Variants in SEMA3E observed in about 807,000 individuals in gnomAD.
SEMA3E encodes semaphorin-3E.
In SEMA3E, 49 loss-of-function variants were observed where a neutral mutation model predicts 93.6. That is an observed-to-expected ratio of 0.52 (90% CI 0.42 to 0.66). The LOEUF (loss-of-function observed/expected upper bound fraction) is 0.66. Among genes scored for constraint, SEMA3E ranks in the 30% least tolerant of loss-of-function variants. SEMA3E has a pLI of 0.00. For synonymous variants in SEMA3E, 363 were observed against 330.7 expected, an observed-to-expected ratio of 1.10 and a Z score of -1.06; for missense variants, 906 against 964.8, an observed-to-expected ratio of 0.94 and a Z score of 0.81.
chr7:83,648,309 G>T, intron 1 of SEMA3E, 119 bp downstream of exon 1: 1 of 714,976 alleles, frequency 1.4e-6, no homozygotes, highest in Non-Finnish European at 2.4e-6. Flanking sequence ...AATTTTTCAG[G>T]TGCATTTTAA....
intron 1 of SEMA3E, among the ~76,000 whole-genome samples, chr7:83,563,660 G>A (rs1180364313): frequency 6.6e-6 from 1 of 152,172 alleles, no homozygotes; most frequent in Non-Finnish European, 1.5e-5. Flanking sequence ...ATCCAAATAT[G>A]TTAGTCTGCC....
At chr7:83,452,498 T>G (rs1285538059) in intron 4 of SEMA3E, among the ~76,000 whole-genome samples, 2 of 152,162 alleles carry the variant, frequency 1.3e-5, no homozygotes, top group Non-Finnish European at 2.9e-5. Flanking sequence ...GGCCTTCTCT[T>G]TGCTCACAGG....
Position 83,367,836 on chromosome 7 carries a change from C to T in SEMA3E, c.2078G>A (p.Arg693Lys). The T allele has an allele frequency of 1.2e-6, 2 of 1,613,696 alleles. No homozygotes were observed. The highest frequency in any genetic ancestry group is 8.5e-7 in the Non-Finnish European group (1 of 1,179,676). ...NKDDEEDRHHRMPCPAQSSIS... is the reference protein window; with the variant it reads ...NKDDEEDRHHKMPCPAQSSIS... ...GCTACTCTGAGCAGGACAAGGCATC[C>T]TGTGATGCCTGTCCTCCTCATCGTC... Residue 693 changes from arginine to lysine, a missense_variant, in exon 17 of 17, where the codon AGG becomes AAG. Physicochemically the swap from Arg to Lys is conservative, Grantham distance 26 (BLOSUM62 2). Coordinates refer to ENST00000643230, the MANE Select transcript of SEMA3E (RefSeq NM_012431.3).
chr7:83,539,855 CTGTGTGTGTGTGTGTG>C (rs59200828), intron 1 of SEMA3E, among the ~76,000 whole-genome samples: 1 of 122,696 alleles, frequency 8.2e-6, no homozygotes. Context: ...TTTGTTGTTT[CTGTGTGTGTGTGTGTG>C]TGTGTGTGTG....
intron 4 of SEMA3E, among the ~76,000 whole-genome samples, chr7:83,446,777 T>C (rs1789239879): frequency 6.6e-6 from 1 of 152,192 alleles, no homozygotes; most frequent in Non-Finnish European, 1.5e-5. Context: ...TACTGTATAA[T>C]AGCATTAAGA....
intron 16 of SEMA3E, among the ~76,000 whole-genome samples, chr7:83,374,206 C>CAAAAAAAAAAAA (rs71074647): frequency 2.1e-5 from 2 of 93,304 alleles, no homozygotes; most frequent in African/African-American, 4.4e-5. Context: ...AACTGCGTCT[C>CAAAAAAAAAAAA]AAAAAAAAAA....
intron 1 of SEMA3E, among the ~76,000 whole-genome samples, chr7:83,608,125 A>G (rs536288821): frequency 6.6e-6 from 1 of 152,204 alleles, no homozygotes; most frequent in African/African-American, 2.4e-5. Context: ...AGGCAGGAGA[A>G]GTACTTGAAC....
At chr7:83,431,209 G>A (rs1788876605) in intron 4 of SEMA3E, among the ~76,000 whole-genome samples, 1 of 122,836 alleles carries the variant, frequency 8.1e-6, no homozygotes. Context: ...ACATTTTAAT[G>A]GTTGAATTAT....
intron 4 of SEMA3E, among the ~76,000 whole-genome samples, chr7:83,438,535 TATAG>T (rs1416287205): frequency 1.3e-5 from 2 of 152,098 alleles, no homozygotes; most frequent in East Asian, 1.9e-4. Flanking sequence ...CCTTCACTAT[TATAG>T]ATATTTTAGG....
intron 4 of SEMA3E, among the ~76,000 whole-genome samples, chr7:83,465,258 GC>G (rs1789727913): frequency 6.6e-6 from 1 of 151,622 alleles, no homozygotes; most frequent in Non-Finnish European, 1.5e-5. Context: ...CTGTAAAACG[GC>G]CCCACCCTTA....
chr7:83,574,231 A>T (rs1185194815), intron 1 of SEMA3E, among the ~76,000 whole-genome samples: 2 of 152,180 alleles, frequency 1.3e-5, no homozygotes, highest in African/African-American at 4.8e-5. Context: ...AGCACATTTA[A>T]AATTGAAGAA....
intron 1 of SEMA3E, among the ~76,000 whole-genome samples, chr7:83,604,826 T>C (rs1343083314): frequency 6.6e-6 from 1 of 151,982 alleles, no homozygotes; most frequent in South Asian, 2.1e-4. Flanking sequence ...GTCGTTCCCC[T>C]CCCTGTGTCC....
intron 1 of SEMA3E, among the ~76,000 whole-genome samples, chr7:83,633,446 T>C (rs961585359): frequency 6.6e-6 from 1 of 152,216 alleles, no homozygotes; most frequent in Admixed American, 6.5e-5. Flanking sequence ...TGCTTAACAT[T>C]GGAAAAAAAT....
At chr7:83,516,492 A>G (rs961483432) in intron 1 of SEMA3E, among the ~76,000 whole-genome samples, 2 of 152,234 alleles carry the variant, frequency 1.3e-5, no homozygotes, top group African/African-American at 4.8e-5. Flanking sequence ...AAACTCTTCC[A>G]GAATGTAAAT....
intron 16 of SEMA3E, among the ~76,000 whole-genome samples, chr7:83,379,125 T>C (rs1787719941): frequency 6.6e-6 from 1 of 151,758 alleles, no homozygotes; most frequent in South Asian, 2.1e-4. Context: ...GAGGACATTA[T>C]CATGAGTGAA....
chr7:83,411,161 A>C (rs529521061), intron 5 of SEMA3E, among the ~76,000 whole-genome samples: 6 of 152,232 alleles, frequency 3.9e-5, no homozygotes, highest in Admixed American at 1.3e-4. Context: ...TTAACAAACA[A>C]GTATTCCTTG....
chr7:83,558,208 A>G (rs952592936), intron 1 of SEMA3E, among the ~76,000 whole-genome samples: 6 of 152,168 alleles, frequency 3.9e-5, no homozygotes, highest in Non-Finnish European at 7.4e-5. Context: ...AGATGTATAT[A>G]TATTTTTTAA....
chr7:83,560,065 C>T (rs368432605), intron 1 of SEMA3E, among the ~76,000 whole-genome samples: 31 of 151,852 alleles, frequency 2.0e-4, no homozygotes, highest in African/African-American at 3.6e-4. Flanking sequence ...TAGTGGTGGG[C>T]GGGCTGGGGA....
intron 16 of SEMA3E, among the ~76,000 whole-genome samples, chr7:83,383,081 A>G (rs1787810410): frequency 6.6e-6 from 1 of 151,910 alleles, no homozygotes; most frequent in Admixed American, 6.6e-5. Context: ...GGTCTGATAA[A>G]TTAATGACTT....
Sources: gnomAD v4.1 joint callset for allele counts (sites outside exome capture counted in the v4.1 genomes callset) on GRCh38, gnomAD v4.1.1 for gene constraint, MANE v1.5 for transcripts, NCBI Gene and HGNC (gene_info 2026-07-23, HGNC 2026-07-21) for gene names.